DOCK2: variants seen among roughly 807,000 people sequenced by gnomAD.
The protein encoded by DOCK2 is dedicator of cytokinesis 2.
A neutral mutation model predicts 248.9 loss-of-function variants in DOCK2; 87 were observed. That is an observed-to-expected ratio of 0.35 (90% confidence interval 0.29 to 0.42). DOCK2 has a LOEUF of 0.42. Among genes scored for constraint, DOCK2 ranks in the 10% least tolerant of loss-of-function variants. The pLI, the probability that DOCK2 is intolerant of heterozygous loss-of-function variation, is 1.00. For missense variants in DOCK2, 1,747 were observed against 2,300.2 expected (o/e 0.76, Z 4.92); for synonymous variants, 805 against 821.6 (o/e 0.98, Z 0.35).
intron 25 of DOCK2, 79 bp from the exon 26 acceptor site, chr5:169,802,979 A>G (rs1447668623): frequency 2.0e-6 from 3 of 1,490,634 alleles, no homozygotes; most frequent in Non-Finnish European, 2.7e-6. Flanking sequence ...TTATTTAATG[A>G]AACATTGTAT....
At chr5:169,901,463 G>T (rs1773920208) in intron 27 of DOCK2, among the ~76,000 whole-genome samples, 2 of 152,140 alleles carry the variant, frequency 1.3e-5, no homozygotes, top group South Asian at 4.1e-4. Context: ...GTGTGTAGGA[G>T]AGAGGTATAT....
At chr5:169,809,666 C>T (rs547200122) in intron 26 of DOCK2, among the ~76,000 whole-genome samples, 27 of 152,280 alleles carry the variant, frequency 1.8e-4, no homozygotes, top group African/African-American at 5.8e-4. Context: ...AGGTCTCAAA[C>T]CTGAGCTTCC....
At chr5:169,977,863 C>T (rs1271999670) in intron 27 of DOCK2, among the ~76,000 whole-genome samples, 2 of 152,140 alleles carry the variant, frequency 1.3e-5, no homozygotes, top group African/African-American at 4.8e-5. Context: ...CCAAAGCCTC[C>T]CACTTCCAGT....
intron 27 of DOCK2, among the ~76,000 whole-genome samples, chr5:169,900,983 C>T (rs1358443064): frequency 4.6e-5 from 7 of 151,996 alleles, no homozygotes; most frequent in African/African-American, 7.3e-5. Context: ...AACTTAGTTA[C>T]GGGTAGGAAA....
chr5:170,082,665 G>T lies in DOCK2; in HGVS notation c.5431-131G>T, dbSNP rs1460563605. The T allele has an allele frequency of 6.1e-6, 7 of 1,149,218 alleles. No homozygotes were observed. The East Asian group carries it at 1.3e-4, about 21-fold the overall frequency. 71.2% of individuals were successfully genotyped at this position (1,149,218 alleles called of 1,614,324 possible). ...CTTTCTGGCCAAAGCCAAGGGCATA[G>T]CAGCTCACATTCACTGGGCTTTGGG... On this transcript the variant is annotated intron_variant, in intron 51 of 51. Transcript: ENST00000520908.
At chr5:169,723,976 T>G (rs1032286199) in intron 22 of DOCK2, among the ~76,000 whole-genome samples, 1 of 152,266 alleles carries the variant, frequency 6.6e-6, no homozygotes. Context: ...CTAGCCCCCT[T>G]TCACAAAGAA....
intron 17 of DOCK2, 123 bp downstream of exon 17, chr5:169,712,346 T>C (rs1761637548): frequency 1.3e-6 from 1 of 756,868 alleles, no homozygotes; most frequent in South Asian, 1.7e-5. Context: ...TTTACCAACT[T>C]TGTGGCCTCT....
chr5:170,025,964 A>G (rs1755900815), intron 33 of DOCK2, among the ~76,000 whole-genome samples: 1 of 151,072 alleles, frequency 6.6e-6, no homozygotes, highest in Non-Finnish European at 1.5e-5. Flanking sequence ...CGTTTCCCCC[A>G]TCTGGAATGC....
At chr5:169,695,489 C>T (rs1348028960) in intron 9 of DOCK2, 2 of 223,564 alleles carry the variant, frequency 8.9e-6, no homozygotes, top group Non-Finnish European at 1.8e-5. Flanking sequence ...ATCACCTCGG[C>T]ATATGGGGAA....
At chr5:169,946,269 C>G (rs1314916918) in intron 27 of DOCK2, among the ~76,000 whole-genome samples, 1 of 152,180 alleles carries the variant, frequency 6.6e-6, no homozygotes, top group Non-Finnish European at 1.5e-5. Flanking sequence ...GTTCCAGCCC[C>G]CCACATCCAG....
At chr5:169,920,092 A>T (rs1249005223) in intron 27 of DOCK2, among the ~76,000 whole-genome samples, 2 of 152,192 alleles carry the variant, frequency 1.3e-5, no homozygotes, top group East Asian at 1.9e-4. Flanking sequence ...TCCGGTGAAT[A>T]GTTAAAGAAA....
At chr5:169,653,697 C>T (rs1021728585) in intron 1 of DOCK2, among the ~76,000 whole-genome samples, 3 of 152,232 alleles carry the variant, frequency 2.0e-5, no homozygotes, top group African/African-American at 7.2e-5. Flanking sequence ...ATCTCCTGTG[C>T]TCTCAAAGCA....
chr5:170,024,534 G>A (rs1755839880), intron 33 of DOCK2, among the ~76,000 whole-genome samples: 1 of 152,048 alleles, frequency 6.6e-6, no homozygotes, highest in Admixed American at 6.6e-5. Context: ...AGCATGATGA[G>A]CTTTGCTAAC....
rs1054731691 is a variant in DOCK2 at position 169,759,576 on chromosome 5, A to G, written c.2377-129A>G. ...TTTTGATGTCCATACAGAGGCTTCC[A>G]TCAATATTGTAATGTCCAGGATGCA... is the stretch of plus-strand genomic sequence containing the variant. On this transcript the variant is annotated intron_variant, in intron 23 of 51. Coordinates refer to ENST00000520908, the MANE Select transcript of DOCK2 (RefSeq NM_004946.3). The G allele has an allele frequency of 6.1e-6, 6 of 987,138 alleles. No homozygotes were observed. In the African/African-American group the frequency reaches 8.2e-5, roughly 13 times the overall value. 61.1% of individuals were successfully genotyped at this position (987,138 alleles called of 1,614,324 possible).
chr5:170,052,453 A>T (rs1756953079), intron 41 of DOCK2, among the ~76,000 whole-genome samples: 1 of 152,188 alleles, frequency 6.6e-6, no homozygotes, highest in Non-Finnish European at 1.5e-5. Flanking sequence ...CAGTGCCAGG[A>T]GGCAGGTGCA....
intron 5 of DOCK2, among the ~76,000 whole-genome samples, chr5:169,673,435 C>G (rs553567047): frequency 1.3e-5 from 2 of 152,090 alleles, no homozygotes; most frequent in South Asian, 4.2e-4. Context: ...ACCACCCACA[C>G]TTTCCCAAAT....
At chr5:169,946,305 G>A (rs1164986709) in intron 27 of DOCK2, among the ~76,000 whole-genome samples, 1 of 152,230 alleles carries the variant, frequency 6.6e-6, no homozygotes, top group East Asian at 1.9e-4. Flanking sequence ...CCGGAGGCAG[G>A]CATCTGAGGG....
At chr5:169,652,687 G>A (rs999725017) in intron 1 of DOCK2, among the ~76,000 whole-genome samples, 4 of 152,196 alleles carry the variant, frequency 2.6e-5, no homozygotes, top group Non-Finnish European at 5.9e-5. Context: ...GTCTTTTAAT[G>A]TGGTTTAGGC....
At position 169,801,162 on chromosome 5, in the gene DOCK2, T is replaced by G. The variant is rs1232081637; in HGVS notation, c.2555-1896T>G. Among the ~76,000 whole-genome samples, 13 of 129,612 alleles carry G rather than the reference T, an allele frequency of 1.0e-4. No homozygotes were observed. The South Asian group carries it at 2.4e-3, about 24-fold the overall frequency. The allele number at this position is 129,612 out of a possible 152,430, so 85.0% of individuals were successfully genotyped here. A position where few individuals can be genotyped will look rare whatever the true frequency, so the allele number is the denominator to read the frequency against. Reference sequence around the variant, plus strand: ...TAGTTTTGGGTTTTTTTTTTTTTTTTTTTTTTTTTTTTTTTTTTTAGTAGA... The same window carrying G: ...TAGTTTTGGGTTTTTTTTTTTTTTTGTTTTTTTTTTTTTTTTTTTAGTAGA... On this transcript the variant is annotated intron_variant, in intron 25 of 51. Transcript: ENST00000520908.
Sources: gnomAD v4.1 joint callset for allele counts (sites outside exome capture counted in the v4.1 genomes callset) on GRCh38, gnomAD v4.1.1 for gene constraint, MANE v1.5 for transcripts, NCBI Gene and HGNC (gene_info 2026-07-23, HGNC 2026-07-21) for gene names.